Variants in UBASH3B observed in about 807,000 individuals in gnomAD.
UBASH3B encodes ubiquitin associated and SH3 domain containing B, also known as ubiquitin-associated and SH3 domain-containing protein B.
UBASH3B carries 37 observed loss-of-function variants against 83.4 expected under a neutral mutation model. That is an observed-to-expected ratio of 0.44 (90% confidence interval 0.34 to 0.58). UBASH3B has a LOEUF of 0.58. Among genes scored for constraint, UBASH3B ranks in the 20% least tolerant of loss-of-function variants. The probability of loss-of-function intolerance (pLI) is 0.01; values close to 1 mark genes in which losing one functional copy is unlikely to be tolerated. For missense variants in UBASH3B, 657 were observed against 827.2 expected (o/e 0.79, Z 2.52); for synonymous variants, 304 against 318.3 (o/e 0.96, Z 0.48).
chr11:122,704,595 T>C (rs1384330262), intron 1 of UBASH3B, among the ~76,000 whole-genome samples: 1 of 152,000 alleles, frequency 6.6e-6, no homozygotes, highest in African/African-American at 2.4e-5. Context: ...CTGCAACCTT[T>C]GCCTCCCAGG....
At chr11:122,749,720 CTATTTTATTTTATTTTATT>C (rs1167095814) in intron 1 of UBASH3B, among the ~76,000 whole-genome samples, 1 of 152,118 alleles carries the variant, frequency 6.6e-6, no homozygotes, top group Non-Finnish European at 1.5e-5. Context: ...GGTAATCATT[CTATTTTATTTTATTTTATT>C]TATTTTATTT....
intron 1 of UBASH3B, among the ~76,000 whole-genome samples, chr11:122,754,585 G>T (rs1215355007): frequency 6.6e-6 from 1 of 152,190 alleles, no homozygotes; most frequent in Admixed American, 6.5e-5. Flanking sequence ...TGTTGTGAGT[G>T]TGATTCCTGC....
intron 5 of UBASH3B, among the ~76,000 whole-genome samples, chr11:122,783,719 A>C (rs1860897759): frequency 6.6e-6 from 1 of 152,150 alleles, no homozygotes; most frequent in African/African-American, 2.4e-5. Context: ...GGAATTTTTA[A>C]ATGTTGTCCT....
chr11:122,792,438 C>G (rs1042859283), intron 6 of UBASH3B, among the ~76,000 whole-genome samples: 1 of 151,828 alleles, frequency 6.6e-6, no homozygotes, highest in South Asian at 2.1e-4. Flanking sequence ...CCTGCCTCAG[C>G]CCCCCGAGTA....
chr11:122,769,838 T>G (rs1196724633), intron 1 of UBASH3B, among the ~76,000 whole-genome samples: 2 of 152,222 alleles, frequency 1.3e-5, no homozygotes, highest in Admixed American at 6.5e-5. Context: ...ACTTTTAAAC[T>G]GATTTTGAGG....
At chr11:122,712,615 T>C (rs1035490654) in intron 1 of UBASH3B, among the ~76,000 whole-genome samples, 3 of 152,140 alleles carry the variant, frequency 2.0e-5, no homozygotes, top group African/African-American at 7.2e-5. Context: ...AGGGAATTTC[T>C]ACCCCAGAAA....
At chr11:122,673,105 C>T (rs894526303) in intron 1 of UBASH3B, among the ~76,000 whole-genome samples, 1 of 152,116 alleles carries the variant, frequency 6.6e-6, no homozygotes, top group African/African-American at 2.4e-5. Context: ...CCTCTGGGCA[C>T]GTGACAGTGA....
intron 1 of UBASH3B, among the ~76,000 whole-genome samples, chr11:122,748,540 C>T (rs992933407): frequency 2.6e-5 from 4 of 152,198 alleles, no homozygotes; most frequent in Admixed American, 2.0e-4. Flanking sequence ...AGTTTAGCTT[C>T]CTTTAGGTTG....
intron 1 of UBASH3B, among the ~76,000 whole-genome samples, chr11:122,711,368 G>A (rs770467848): frequency 3.4e-4 from 51 of 152,080 alleles, no homozygotes; most frequent in East Asian, 1.9e-4. Flanking sequence ...TTTTTCTTTC[G>A]TCACTCTCCA....
At position 122,806,268 on chromosome 11, in the gene UBASH3B, C is replaced by T. The variant is rs529758641; in HGVS notation, c.1596-142C>T. 81 of 681,864 alleles carry T rather than the reference C, an allele frequency of 1.2e-4. No homozygotes were observed. The African/African-American group carries it at 1.4e-3, about 12-fold the overall frequency. 42.2% of individuals were successfully genotyped at this position (681,864 alleles called of 1,614,324 possible). ...ATAGTAGAAATGCTGTTCCCTATACCTTTCTCCTTTCTAGGGAAATGGATA... is the reference window on the plus strand; with the variant it reads ...ATAGTAGAAATGCTGTTCCCTATACTTTTCTCCTTTCTAGGGAAATGGATA... On this transcript the variant is annotated intron_variant, in intron 11 of 13. Transcript: ENST00000284273. This position sits in a 1 kb window ranked among gnomAD's most constrained non-coding sequence, Gnocchi z 4.0.
At chr11:122,691,824 T>G (rs1863901258) in intron 1 of UBASH3B, among the ~76,000 whole-genome samples, 1 of 152,130 alleles carries the variant, frequency 6.6e-6, no homozygotes, top group Admixed American at 6.6e-5. Flanking sequence ...GATGGCCATT[T>G]GTGACGGGGT....
chr11:122,670,601 C>T (rs776127155), intron 1 of UBASH3B, among the ~76,000 whole-genome samples: 10 of 151,986 alleles, frequency 6.6e-5, no homozygotes, highest in African/African-American at 9.7e-5. Context: ...CTTAAGTGCA[C>T]GATAAATGGT....
chr11:122,698,512 G>A (rs1259876160), intron 1 of UBASH3B, among the ~76,000 whole-genome samples: 1 of 152,200 alleles, frequency 6.6e-6, no homozygotes, highest in Non-Finnish European at 1.5e-5. Context: ...AGAGCAAGAA[G>A]ATGGATGCAT....
intron 1 of UBASH3B, among the ~76,000 whole-genome samples, chr11:122,707,730 G>T (rs1048991355): frequency 6.6e-6 from 1 of 151,564 alleles, no homozygotes; most frequent in Non-Finnish European, 1.5e-5. Context: ...ATGGAGTCTC[G>T]CTCTGTTACC....
At chr11:122,784,989 A>C (rs1460052634) in intron 5 of UBASH3B, among the ~76,000 whole-genome samples, 2 of 152,190 alleles carry the variant, frequency 1.3e-5, no homozygotes, top group Non-Finnish European at 2.9e-5. Flanking sequence ...GGGCAAAGAA[A>C]AAAAAAGTCA....
chr11:122,781,047 T>G (rs1474340331), intron 4 of UBASH3B, among the ~76,000 whole-genome samples: 1 of 152,152 alleles, frequency 6.6e-6, no homozygotes, highest in African/African-American at 2.4e-5. Context: ...CACACAGGAC[T>G]TGGGACCTAT....
At chr11:122,780,358 G>A (rs185392376) in intron 4 of UBASH3B, among the ~76,000 whole-genome samples, 1 of 152,338 alleles carries the variant, frequency 6.6e-6, no homozygotes, top group East Asian at 1.9e-4. Flanking sequence ...CAAGGCAGGA[G>A]ACACGATGGA....
In UBASH3B at chr11:122,758,520, G is replaced by A. The variant is rs372328212; in HGVS notation, c.162-17699G>A. 2.6e-5 allele frequency among the ~76,000 whole-genome samples: 4 copies of A among 152,218 alleles called. No individual in the cohort carries two copies. The highest frequency in any genetic ancestry group is 9.6e-5 in the African/African-American group (4 of 41,456). On this transcript the variant is annotated intron_variant, in intron 1 of 13. Coordinates refer to ENST00000284273, the MANE Select transcript of UBASH3B (RefSeq NM_032873.5). This position sits in a 1 kb window ranked among gnomAD's most constrained non-coding sequence, Gnocchi z 4.2. ...GCTGGAAAGGGCAGTCAGTGGTGGG[G>A]GCGGAGGGGGCACCCAGTGGCCGTA...
intron 1 of UBASH3B, among the ~76,000 whole-genome samples, chr11:122,690,214 TTATA>T (rs57890823): frequency 3.8e-5 from 2 of 52,684 alleles, no homozygotes; most frequent in Non-Finnish European, 6.6e-5. Context: ...ATATATCCAA[TTATA>T]TATATATATA....
Sources: allele counts gnomAD v4.1 joint callset (sites outside exome capture counted in the v4.1 genomes callset), GRCh38; gene constraint gnomAD v4.1.1; non-coding constraint Gnocchi (gnomAD v3.1); transcripts MANE v1.5; gene names NCBI Gene and HGNC (gene_info 2026-07-23, HGNC 2026-07-21).